CFAP54: variants seen among roughly 807,000 people sequenced by gnomAD.
CFAP54 encodes the protein cilia- and flagella-associated protein 54.
A neutral mutation model predicts 370.4 loss-of-function variants in CFAP54; 290 were observed. The observed-to-expected ratio is 0.78, with a 90% CI of 0.71 to 0.86. The LOEUF is 0.86. Ranked by LOEUF, CFAP54 falls within the 40% of genes least tolerant of loss-of-function variation. CFAP54 has a pLI of 0.00. For synonymous variants in CFAP54, 1,206 were observed against 1,236.5 expected (o/e 0.98, Z 0.52); for missense variants, 3,399 against 3,528.7 (o/e 0.96, Z 0.93).
chr12:96,514,838 A>G (rs1191323009), intron 5 of CFAP54, among the ~76,000 whole-genome samples: 2 of 152,218 alleles, frequency 1.3e-5, no homozygotes, highest in African/African-American at 4.8e-5. Context: ...TAATCTTATT[A>G]GGAGATAAAT....
intron 63 of CFAP54, among the ~76,000 whole-genome samples, chr12:96,806,344 A>T (rs753039680): frequency 1.1e-4 from 17 of 150,900 alleles, no homozygotes; most frequent in Non-Finnish European, 1.8e-4. Context: ...AAGTGCAGGA[A>T]GTCTGAGCAA....
chr12:96,575,143 G>T (rs1032975507), intron 19 of CFAP54, among the ~76,000 whole-genome samples: 9 of 151,950 alleles, frequency 5.9e-5, no homozygotes, highest in African/African-American at 2.2e-4. Context: ...ATCTTTTCAT[G>T]TGCTTATTGG....
At chr12:96,682,015 A>G (rs566138204) in intron 40 of CFAP54, 124 of 342,728 alleles carry the variant, frequency 3.6e-4, no homozygotes, top group African/African-American at 2.7e-3. Context: ...TCAAACTGCA[A>G]AAATGTCTCA....
chr12:96,798,933 G>A (rs543783545), intron 63 of CFAP54, among the ~76,000 whole-genome samples: 19 of 152,194 alleles, frequency 1.2e-4, no homozygotes, highest in African/African-American at 3.4e-4. Flanking sequence ...AGCGAATTAA[G>A]TACATAGCAA....
intron 8 of CFAP54, among the ~76,000 whole-genome samples, chr12:96,524,930 A>G (rs1314756592): frequency 6.6e-6 from 1 of 152,160 alleles, no homozygotes; most frequent in Non-Finnish European, 1.5e-5. Flanking sequence ...TATTATAAGT[A>G]TTGACATCAT....
At chr12:96,560,094 A>G (rs761038934) in intron 17 of CFAP54, among the ~76,000 whole-genome samples, 7 of 152,218 alleles carry the variant, frequency 4.6e-5, no homozygotes, top group Non-Finnish European at 7.3e-5. Context: ...TAGGATATTC[A>G]TCATCTCAAA....
chr12:96,680,725 C>T (rs990360954), intron 40 of CFAP54, among the ~76,000 whole-genome samples: 3 of 151,800 alleles, frequency 2.0e-5, no homozygotes, highest in Non-Finnish European at 2.9e-5. Context: ...TCTGCAGACT[C>T]ACATTATGTT....
rs555163438 is a variant in CFAP54, at chr12:96,544,896, A to T, written c.2078-3006A>T. On this transcript the variant is annotated intron_variant, in intron 14 of 67. Coordinates refer to ENST00000524981, the MANE Select transcript of CFAP54 (RefSeq NM_001306084.2). ...TAGGGGGCTGAGGAAGCTATCAGGT[A>T]TCTCTTCCTTTTCTTTTTTTTTTTT... is the stretch of plus-strand genomic sequence containing the variant. 1.7e-3 allele frequency among the ~76,000 whole-genome samples: 249 copies of T among 150,588 alleles called. 2 individuals carry two copies. Among genetic ancestry groups the T allele is most frequent in the African/African-American group, 5.8e-3 (238 of 41,098 alleles).
At position 96,684,708 on chromosome 12, in the gene CFAP54, GTCT is replaced by G; in HGVS notation, c.5781_5783del (p.Leu1928del). 6.2e-7 allele frequency: 1 copy of G among 1,613,026 alleles called. No individual in the cohort carries two copies. Among genetic ancestry groups the G allele is most frequent in the Non-Finnish European group, 8.5e-7 (1 of 1,179,626 alleles). On this transcript the variant is annotated inframe_deletion, in exon 41 of 68. Transcript: ENST00000524981. ...GTTCAGGCGTTGCATTCACTTGGAA[GTCT>G]TCTCATCTTCGCAGAAAAGAAAAGG...
At chr12:96,771,485 T>A (rs1194635406) in intron 60 of CFAP54, among the ~76,000 whole-genome samples, 1 of 152,166 alleles carries the variant, frequency 6.6e-6, no homozygotes, top group Non-Finnish European at 1.5e-5. Flanking sequence ...ACCCCGTCTC[T>A]ACTAAAAATA....
chr12:96,733,127 C>T (rs920629874), intron 50 of CFAP54, among the ~76,000 whole-genome samples: 1 of 152,154 alleles, frequency 6.6e-6, no homozygotes, highest in Non-Finnish European at 1.5e-5. Flanking sequence ...AGAATTGCTC[C>T]TATTTTAAAT....
Position 96,696,011 on chromosome 12 carries a change from C to T in CFAP54, c.6351+2203C>T, listed in dbSNP as rs75633801. Among the ~76,000 whole-genome samples the T allele has an allele frequency of 4.1e-3, 622 of 151,920 alleles. 6 individuals carry two copies. The highest frequency in any genetic ancestry group is 0.014 in the African/African-American group (584 of 41,418). ...GTGTGATGAACACTCTCCAGGAGTT[C>T]GAAAGAGGAAAAAATGGCTTTGAAT... On this transcript the variant is annotated intron_variant, in intron 45 of 67. Transcript: ENST00000524981.
At chr12:96,672,418 C>T (rs567838233) in intron 39 of CFAP54, among the ~76,000 whole-genome samples, 16 of 152,070 alleles carry the variant, frequency 1.1e-4, no homozygotes, top group Admixed American at 6.5e-4. Context: ...CAAGGGGCTG[C>T]GAGTATAGCC....
intron 50 of CFAP54, among the ~76,000 whole-genome samples, chr12:96,729,470 G>A (rs1017014630): frequency 2.0e-5 from 3 of 152,206 alleles, no homozygotes; most frequent in African/African-American, 7.2e-5. Flanking sequence ...CCATGGGCGT[G>A]GGCGTAGGAC....
intron 42 of CFAP54, 100 bp downstream of exon 42, chr12:96,685,338 T>G (rs534757516): frequency 1.0e-6 from 1 of 985,130 alleles, no homozygotes; most frequent in African/African-American, 1.6e-5. Context: ...CACACTGGAT[T>G]TCTGGGAGGT....
In CFAP54 at chr12:96,623,884, A is replaced by T. The variant is rs1277390010; in HGVS notation, c.3886+3A>T. 3 of 1,510,490 alleles carry T rather than the reference A, an allele frequency of 2.0e-6. No homozygotes were observed. The African/African-American group carries it at 4.2e-5, about 21-fold the overall frequency. 93.6% of individuals were successfully genotyped at this position (1,510,490 alleles called of 1,614,324 possible). ...CCTACTCAAACTGACAAAGCAATGT[A>T]ATCATTTGTTTTCTGTATACTTCCA... On this transcript the variant is annotated splice_donor_region_variant and intron_variant, in intron 28 of 67. Coordinates refer to ENST00000524981, the MANE Select transcript of CFAP54 (RefSeq NM_001306084.2).
chr12:96,504,951 T>C (rs987861989), intron 3 of CFAP54, among the ~76,000 whole-genome samples: 8 of 142,464 alleles, frequency 5.6e-5, no homozygotes, highest in African/African-American at 2.0e-4. Flanking sequence ...CTTTCTTTCT[T>C]TTTCTTTCTT....
chr12:96,744,384 G>T (rs891593257), intron 55 of CFAP54, among the ~76,000 whole-genome samples: 19 of 152,036 alleles, frequency 1.2e-4, no homozygotes, highest in African/African-American at 4.6e-4. Context: ...ATGCATAACT[G>T]CTTGGTCTAG....
At chr12:96,818,692 G>A (rs1050497768) in intron 65 of CFAP54, among the ~76,000 whole-genome samples, 11 of 152,208 alleles carry the variant, frequency 7.2e-5, no homozygotes, top group Admixed American at 4.6e-4. Flanking sequence ...ACTGCATGGA[G>A]AGCAGAGAAT....
Sources: allele counts gnomAD v4.1 joint callset (sites outside exome capture counted in the v4.1 genomes callset), GRCh38; gene constraint gnomAD v4.1.1; transcripts MANE v1.5; gene names NCBI Gene and HGNC (gene_info 2026-07-23, HGNC 2026-07-21).